The following SLC5A8 variants were observed in gnomAD, a reference collection of about 807,000 sequenced individuals.
SLC5A8 encodes the protein sodium-coupled monocarboxylate transporter 1.
A neutral mutation model predicts 71.9 loss-of-function variants in SLC5A8; 55 were observed. That is an observed-to-expected ratio of 0.77 (90% CI 0.62 to 0.96). The LOEUF (loss-of-function observed/expected upper bound fraction) is 0.96, where lower values mean the gene tolerates loss of function less well. SLC5A8 is among the 40% of genes least tolerant of loss of function. The probability of loss-of-function intolerance (pLI) is 0.00; values close to 1 mark genes in which losing one functional copy is unlikely to be tolerated. For missense variants in SLC5A8, 701 were observed against 745.3 expected (o/e 0.94, Z 0.69); for synonymous variants, 307 against 276.1 (o/e 1.11, Z -1.11).
chr12:101,179,943 C>T (rs779192636), intron 10 of SLC5A8, 86 bp downstream of exon 10: 21 of 1,403,458 alleles, frequency 1.5e-5, no homozygotes, highest in Admixed American at 1.7e-5. Context: ...CGATATATAT[C>T]GAGAGAAGTC....
chr12:101,169,925 A>G (rs1040570121), intron 10 of SLC5A8, among the ~76,000 whole-genome samples: 5 of 152,248 alleles, frequency 3.3e-5, no homozygotes, highest in Admixed American at 6.5e-5. Flanking sequence ...GATGATAAAG[A>G]AAGTACAAGG....
Position 101,182,923 on chromosome 12 carries a change from G to T in SLC5A8, c.1053-8C>A. The T allele has an allele frequency of 6.8e-7, 1 of 1,471,868 alleles. No homozygotes were observed. The highest frequency in any genetic ancestry group is 9.0e-7 in the Non-Finnish European group (1 of 1,105,604). The allele number at this position is 1,471,868 out of a possible 1,614,324, so 91.2% of individuals were successfully genotyped here. A position where few individuals can be genotyped will look rare whatever the true frequency, so the allele number is the denominator to read the frequency against. On this transcript the variant is annotated splice_region_variant and splice_polypyrimidine_tract_variant and intron_variant, in intron 8 of 14. Coordinates refer to ENST00000536262, the MANE Select transcript of SLC5A8 (RefSeq NM_145913.5). ...ATACTGGAGGACACTGTGCTGTAAG[G>T]GAAAATAAAACTTTTGATTTATAAT...
At chr12:101,206,655 T>A (rs1247289870) in intron 1 of SLC5A8, among the ~76,000 whole-genome samples, 3 of 152,198 alleles carry the variant, frequency 2.0e-5, no homozygotes, top group Non-Finnish European at 4.4e-5. Context: ...CTAGACATAA[T>A]TACAGAGTAA....
At chr12:101,204,600 G>T in intron 1 of SLC5A8, 35 bp from the exon 2 acceptor site, 1 of 1,472,510 alleles carries the variant, frequency 6.8e-7, no homozygotes, top group Non-Finnish European at 9.2e-7. Context: ...GAATCCTCTG[G>T]ATGCCTTTTT....
rs1351361421 is a variant in SLC5A8, at chr12:101,158,259, A to G, written c.1700T>C (p.Ile567Thr). 1.3e-6 allele frequency: 2 copies of G among 1,585,670 alleles called. No individual in the cohort carries two copies. The highest frequency in any genetic ancestry group is 2.3e-5 in the East Asian group (1 of 44,438). ...TKEDFLSNFD[I>T]FKKKKHVLSY... ...TGAAAGCCAACTCACTTTCTTAAAA[A>G]TATCAAAATTGGATAAAAAGTCCTC... Residue 567 changes from isoleucine to threonine, a missense_variant, in exon 14 of 15, where the codon ATT becomes ACT. Physicochemically the swap from Ile to Thr is moderately conservative, Grantham distance 89. Transcript: ENST00000536262.
At chr12:101,166,348 A>C (rs2051769903) in intron 12 of SLC5A8, 146 bp downstream of exon 12, 1 of 601,112 alleles carries the variant, frequency 1.7e-6, no homozygotes, top group South Asian at 3.0e-5. Context: ...ACCGCTGCAG[A>C]AAATACTATA....
In SLC5A8 at chr12:101,155,987, G is replaced by T. The variant is rs1032506766; in HGVS notation, c.*1292C>A. 4.6e-5 allele frequency: 7 copies of T among 152,028 alleles called. No individual in the cohort carries two copies. Among genetic ancestry groups the T allele is most frequent in the Admixed American group, 2.6e-4 (4 of 15,246 alleles). 9.4% of individuals were successfully genotyped at this position (152,028 alleles called of 1,614,324 possible). On this transcript the variant is annotated 3_prime_UTR_variant, in exon 15 of 15. Coordinates refer to ENST00000536262, the MANE Select transcript of SLC5A8 (RefSeq NM_145913.5). ...GAGTTTAAAAAAGAACTTTTAAACA[G>T]TATCTAATGTGGGAACTGTACAAAA...
chr12:101,158,229 G>T lies in SLC5A8; in HGVS notation c.1710+20C>A. On this transcript the variant is annotated intron_variant, in intron 14 of 14. Transcript: ENST00000536262. ...ATAAAGCCCAGTTTCCTAACTCAAG[G>T]TAAATGAAAGCCAACTCACTTTCTT... 1 of 1,523,822 alleles carries T rather than the reference G, an allele frequency of 6.6e-7. No individual in the cohort carries two copies. Among genetic ancestry groups the T allele is most frequent in the Non-Finnish European group, 9.0e-7 (1 of 1,105,572 alleles). The allele number at this position is 1,523,822 out of a possible 1,614,324, so 94.4% of individuals were successfully genotyped here.
chr12:101,170,596 TTC>T (rs2051819437), intron 10 of SLC5A8, among the ~76,000 whole-genome samples: 1 of 152,108 alleles, frequency 6.6e-6, no homozygotes, highest in Non-Finnish European at 1.5e-5. Context: ...CAAAATCCTG[TTC>T]TCTCTCTAGA....
In SLC5A8 at chr12:101,157,230, A is replaced by G; in HGVS notation, c.*49T>C. 1.3e-6 allele frequency: 2 copies of G among 1,589,298 alleles called. No individual in the cohort carries two copies. Among genetic ancestry groups the G allele is most frequent in the Non-Finnish European group, 1.7e-6 (2 of 1,164,222 alleles). ...AAACCTGATCCAATTATCTTAGAAA[A>G]CATATAAAATTGAAACATCATTTAA... is the stretch of plus-strand genomic sequence containing the variant. On this transcript the variant is annotated 3_prime_UTR_variant, in exon 15 of 15. Transcript: ENST00000536262.
chr12:101,182,167 G>C (rs1868398626), intron 9 of SLC5A8, among the ~76,000 whole-genome samples: 1 of 152,196 alleles, frequency 6.6e-6, no homozygotes, highest in South Asian at 2.1e-4. Flanking sequence ...CAGAACAGAA[G>C]TTGAGAATTT....
chr12:101,184,792 C>T (rs1868551194), intron 7 of SLC5A8, among the ~76,000 whole-genome samples: 1 of 152,162 alleles, frequency 6.6e-6, no homozygotes, highest in Admixed American at 6.5e-5. Flanking sequence ...AGAATGACTT[C>T]AGGAAATCCC....
At chr12:101,188,739 T>C (rs1238133662) in intron 6 of SLC5A8, among the ~76,000 whole-genome samples, 1 of 152,212 alleles carries the variant, frequency 6.6e-6, no homozygotes, top group Non-Finnish European at 1.5e-5. Context: ...GTTTATCAGA[T>C]TTATCCTTCT....
At chr12:101,161,780 G>C (rs1013737630) in intron 13 of SLC5A8, among the ~76,000 whole-genome samples, 194 bp downstream of exon 13, 2 of 152,186 alleles carry the variant, frequency 1.3e-5, no homozygotes, top group African/African-American at 4.8e-5. Flanking sequence ...CTAAAGGGCA[G>C]AACCAAGATT....
Position 101,192,971 on chromosome 12 carries a change from C to CTT in SLC5A8, c.692+652_692+653dup, listed in dbSNP as rs35246165. On this transcript the variant is annotated intron_variant, in intron 5 of 14. Coordinates refer to ENST00000536262, the MANE Select transcript of SLC5A8 (RefSeq NM_145913.5). ...TGTCTCTTAAGAGGCTACCTTTTCTCTTTTTTTTTTTTTTTTTTGAGACAG... is the reference window on the plus strand; with the variant it reads ...TGTCTCTTAAGAGGCTACCTTTTCTCTTTTTTTTTTTTTTTTTTTTGAGACAG... Among the ~76,000 whole-genome samples the CTT allele has an allele frequency of 4.0e-3, 507 of 125,896 alleles. 9 individuals carry two copies. The highest frequency in any genetic ancestry group is 0.011 in the African/African-American group (355 of 33,160). The allele number at this position is 125,896 out of a possible 152,430, so 82.6% of individuals were successfully genotyped here. A position where few individuals can be genotyped will look rare whatever the true frequency, so the allele number is the denominator to read the frequency against.
At position 101,209,746 on chromosome 12, in the gene SLC5A8, C is replaced by G; in HGVS notation, c.103G>C (p.Ala35Pro). 8.7e-6 allele frequency: 14 copies of G among 1,612,544 alleles called. No homozygotes were observed. Among genetic ancestry groups the G allele is most frequent in the Non-Finnish European group, 1.2e-5 (14 of 1,179,782 alleles). Reference sequence around the variant, plus strand: ...TTGGAGGTCTGCTGGCCGCCCCCAGCGAAGGCGTAGTAGATGCCGATGGCG... The same window carrying G: ...TTGGAGGTCTGCTGGCCGCCCCCAGGGAAGGCGTAGTAGATGCCGATGGCG... Reference protein sequence around the residue: ...SAAIGIYYAFAGGGQQTSKDF... With the variant: ...SAAIGIYYAFPGGGQQTSKDF... The change falls in exon 1 of 15, where the codon GCT (alanine) becomes CCT (proline). Residue 35 changes from alanine to proline, a missense_variant. Coordinates refer to ENST00000536262, the MANE Select transcript of SLC5A8 (RefSeq NM_145913.5).
intron 8 of SLC5A8, among the ~76,000 whole-genome samples, chr12:101,183,705 A>T (rs1367598014): frequency 6.6e-6 from 1 of 152,186 alleles, no homozygotes; most frequent in East Asian, 1.9e-4. Context: ...GCAATGATAG[A>T]TCACAAAATG....
chr12:101,197,860 T>C (rs1869255722), intron 3 of SLC5A8, among the ~76,000 whole-genome samples: 1 of 152,068 alleles, frequency 6.6e-6, no homozygotes, highest in Non-Finnish European at 1.5e-5. Flanking sequence ...TATAGAACAT[T>C]ACATCCAAAA....
chr12:101,195,421 T>G (rs1327633543), intron 3 of SLC5A8, among the ~76,000 whole-genome samples: 1 of 152,174 alleles, frequency 6.6e-6, no homozygotes, highest in African/African-American at 2.4e-5. Context: ...GCGTTTATAT[T>G]GTAATTAAGC....
Sources: gnomAD v4.1 joint callset for allele counts (sites outside exome capture counted in the v4.1 genomes callset) on GRCh38, gnomAD v4.1.1 for gene constraint, MANE v1.5 for transcripts, NCBI Gene and HGNC (gene_info 2026-07-23, HGNC 2026-07-21) for gene names.